The following DSCAM variants were observed in gnomAD, a reference collection of about 807,000 sequenced individuals.
DSCAM encodes the protein DS cell adhesion molecule.
In DSCAM, 47 loss-of-function variants were observed where a neutral mutation model predicts 217.7. The observed-to-expected ratio is 0.22, with a 90% confidence interval of 0.17 to 0.28. The LOEUF is 0.28. DSCAM is among the 10% of genes least tolerant of loss of function. The probability of loss-of-function intolerance (pLI) is 1.00; values close to 1 mark genes in which losing one functional copy is unlikely to be tolerated. For synonymous variants in DSCAM, 1,056 were observed against 1,015.3 expected (o/e 1.04, Z -0.76); for missense variants, 2,080 against 2,618.3 (o/e 0.79, Z 4.49).
chr21:40,604,537 T>C (rs1362863713), intron 3 of DSCAM, among the ~76,000 whole-genome samples: 1 of 152,234 alleles, frequency 6.6e-6, no homozygotes, highest in Non-Finnish European at 1.5e-5. Context: ...AAAGCTAATA[T>C]AATTAGACTT....
chr21:40,113,556 G>T (rs1450575665), intron 20 of DSCAM, among the ~76,000 whole-genome samples: 1 of 152,160 alleles, frequency 6.6e-6, no homozygotes, highest in African/African-American at 2.4e-5. Flanking sequence ...TGGAAGTTCT[G>T]GCCAGGGCAT....
intron 3 of DSCAM, among the ~76,000 whole-genome samples, chr21:40,406,587 TTTTG>T (rs1312637232): frequency 3.3e-5 from 5 of 152,014 alleles, no homozygotes; most frequent in South Asian, 2.1e-4. Flanking sequence ...TGTAAAACGT[TTTTG>T]TTTGTTTGTT....
In DSCAM at chr21:40,738,694, A is replaced by G. The variant is rs140871498; in HGVS notation, c.44-29923T>C. On this transcript the variant is annotated intron_variant, in intron 1 of 32. Coordinates refer to ENST00000400454, the MANE Select transcript of DSCAM (RefSeq NM_001389.5). ...CCCAGAGAATCTGATTCAGTAGGTCAGGAATGGGCCCCAGGTTTTGCGCAT... is the reference window on the plus strand; with the variant it reads ...CCCAGAGAATCTGATTCAGTAGGTCGGGAATGGGCCCCAGGTTTTGCGCAT... Among the ~76,000 whole-genome samples, 1,061 of 152,334 alleles carry G rather than the reference A, an allele frequency of 7.0e-3. 15 individuals are homozygous for G. The highest frequency in any genetic ancestry group is 0.024 in the African/African-American group (1,012 of 41,586).
At chr21:40,843,764 A>G (rs922554737) in intron 1 of DSCAM, among the ~76,000 whole-genome samples, 3 of 148,820 alleles carry the variant, frequency 2.0e-5, no homozygotes, top group African/African-American at 4.9e-5. Context: ...GGTTTAACCT[A>G]TGAAGGGCCT....
chr21:40,148,412 G>A (rs532166818), intron 16 of DSCAM, among the ~76,000 whole-genome samples: 1 of 152,198 alleles, frequency 6.6e-6, no homozygotes, highest in East Asian at 1.9e-4. Flanking sequence ...GTGGGGTGAT[G>A]CAAATGTTTA....
At chr21:40,578,917 G>C (rs571455538) in intron 3 of DSCAM, among the ~76,000 whole-genome samples, 1 of 152,296 alleles carries the variant, frequency 6.6e-6, no homozygotes, top group South Asian at 2.1e-4. Flanking sequence ...TGACATGGAA[G>C]AGTTCCAGAA....
At chr21:40,155,257 T>G (rs2090463778) in intron 16 of DSCAM, among the ~76,000 whole-genome samples, 1 of 152,196 alleles carries the variant, frequency 6.6e-6, no homozygotes, top group African/African-American at 2.4e-5. Context: ...GAATCAACTC[T>G]GAGGGCTGGC....
At position 40,587,359 on chromosome 21, in the gene DSCAM, G is replaced by A. The variant is rs185186824; in HGVS notation, c.508+105451C>T. Among the ~76,000 whole-genome samples the A allele has an allele frequency of 6.6e-4, 100 of 152,236 alleles. 1 individual carries two copies. The highest frequency in any genetic ancestry group is 9.6e-4 in the Non-Finnish European group (65 of 68,004). The stretch of plus-strand genomic sequence containing the variant: ...CCAATACAATGCTAATCCACACACT[G>A]ATTTTAGTGAGTATAGGTTAATTAC... On this transcript the variant is annotated intron_variant, in intron 3 of 32. Coordinates refer to ENST00000400454, the MANE Select transcript of DSCAM (RefSeq NM_001389.5).
intron 8 of DSCAM, among the ~76,000 whole-genome samples, chr21:40,326,029 A>C (rs2123540991): frequency 6.6e-6 from 1 of 152,300 alleles, no homozygotes; most frequent in East Asian, 1.9e-4. Flanking sequence ...GTATATATTT[A>C]CATGCATGTC....
chr21:40,805,336 C>T (rs759358483), intron 1 of DSCAM, among the ~76,000 whole-genome samples: 5 of 152,216 alleles, frequency 3.3e-5, no homozygotes, highest in Non-Finnish European at 7.3e-5. Flanking sequence ...CATTCCCCCT[C>T]CATCCTGCCT....
chr21:40,467,754 T>C (rs1428153180), intron 3 of DSCAM, among the ~76,000 whole-genome samples: 1 of 151,990 alleles, frequency 6.6e-6, no homozygotes, highest in Non-Finnish European at 1.5e-5. Context: ...TTATAAGCAA[T>C]TTTAAAAATA....
rs111635874 is a variant in DSCAM, at chr21:40,750,041, C to T, written c.44-41270G>A. Among the ~76,000 whole-genome samples, 571 of 152,180 alleles carry T rather than the reference C, an allele frequency of 3.8e-3. 2 individuals are homozygous for T. Among genetic ancestry groups the T allele is most frequent in the African/African-American group, 0.013 (524 of 41,514 alleles). On this transcript the variant is annotated intron_variant, in intron 1 of 32. Transcript: ENST00000400454. ...CTCCTGGGTTCAAGTGATTCTCCTGCCTCAGCCTCCTGAGTAGCTGCGATT... is the reference window on the plus strand; with the variant it reads ...CTCCTGGGTTCAAGTGATTCTCCTGTCTCAGCCTCCTGAGTAGCTGCGATT...
intron 32 of DSCAM, among the ~76,000 whole-genome samples, chr21:40,039,023 G>A (rs1217074297): frequency 8.1e-6 from 1 of 123,952 alleles, no homozygotes; most frequent in African/African-American, 3.0e-5. Context: ...GTAGTGGGGT[G>A]GGGGGAGGGG....
chr21:40,764,265 C>T (rs2091364337), intron 1 of DSCAM, among the ~76,000 whole-genome samples: 1 of 151,520 alleles, frequency 6.6e-6, no homozygotes, highest in African/African-American at 2.4e-5. Context: ...ACAAACAACT[C>T]CATCAAAAAG....
At chr21:40,272,552 G>A (rs2073632892) in intron 11 of DSCAM, among the ~76,000 whole-genome samples, 1 of 152,190 alleles carries the variant, frequency 6.6e-6, no homozygotes, top group Non-Finnish European at 1.5e-5. Context: ...TTTCTTGAAA[G>A]CAGTAAGAAA....
intron 3 of DSCAM, among the ~76,000 whole-genome samples, chr21:40,605,685 G>C (rs1420384372): frequency 6.6e-6 from 1 of 150,454 alleles, no homozygotes; most frequent in African/African-American, 2.4e-5. Context: ...ACAGGCTACA[G>C]AATGAAAGGC....
chr21:40,801,190 A>G (rs2066665050), intron 1 of DSCAM, among the ~76,000 whole-genome samples: 1 of 151,922 alleles, frequency 6.6e-6, no homozygotes, highest in Non-Finnish European at 1.5e-5. Flanking sequence ...TGACCTTGTG[A>G]TCCCCCTGCC....
chr21:40,107,324 T>G lies in DSCAM; in HGVS notation c.3697-13450A>C, dbSNP rs138673015. Among the ~76,000 whole-genome samples, 498 of 152,304 alleles carry G rather than the reference T, an allele frequency of 3.3e-3. 2 individuals carry two copies. The highest frequency in any genetic ancestry group is 0.012 in the African/African-American group (487 of 41,574). Reference sequence around the variant, plus strand: ...GTATTGATTTTGAATATGATTGTGCTGTGGTCTGAGAGACTGTTACGACTT... The same window carrying G: ...GTATTGATTTTGAATATGATTGTGCGGTGGTCTGAGAGACTGTTACGACTT... On this transcript the variant is annotated intron_variant, in intron 20 of 32. Coordinates refer to ENST00000400454, the MANE Select transcript of DSCAM (RefSeq NM_001389.5).
intron 27 of DSCAM, among the ~76,000 whole-genome samples, chr21:40,072,471 C>G (rs1425340692): frequency 6.6e-6 from 1 of 151,996 alleles, no homozygotes; most frequent in African/African-American, 2.4e-5. Flanking sequence ...CTCAGCCTCC[C>G]AAGTAGTTGG....
Sources: gnomAD v4.1 joint callset for allele counts (sites outside exome capture counted in the v4.1 genomes callset) on GRCh38, gnomAD v4.1.1 for gene constraint, MANE v1.5 for transcripts, NCBI Gene and HGNC (gene_info 2026-07-23, HGNC 2026-07-21) for gene names.